ARAP2: variants seen among roughly 807,000 people sequenced by gnomAD.
The protein encoded by ARAP2 is ArfGAP with RhoGAP domain, ankyrin repeat and PH domain 2.
In ARAP2, 148 loss-of-function variants were observed where a neutral mutation model predicts 194.5. That is an observed-to-expected ratio of 0.76 (90% CI 0.67 to 0.87). The LOEUF (loss-of-function observed/expected upper bound fraction) is 0.87. ARAP2 is among the 40% of genes least tolerant of loss of function. ARAP2 has a pLI of 0.00. For missense variants in ARAP2, 2,128 were observed against 1,989.7 expected, an observed-to-expected ratio of 1.07 and a Z score of -1.32; for synonymous variants, 695 against 683.5, an observed-to-expected ratio of 1.02 and a Z score of -0.26.
intron 5 of ARAP2, among the ~76,000 whole-genome samples, chr4:36,040,350 T>C (rs1352530905): frequency 6.6e-6 from 1 of 152,162 alleles, no homozygotes; most frequent in African/African-American, 2.4e-5. Flanking sequence ...TGTTGGGAAA[T>C]TCTTAAGAAA....
chr4:36,118,290 TAA>T (rs71653572), intron 24 of ARAP2, among the ~76,000 whole-genome samples: 4 of 119,626 alleles, frequency 3.3e-5, no homozygotes, highest in Admixed American at 1.7e-4. Flanking sequence ...CTTAAAAAGT[TAA>T]AAAAAAAAAA....
At chr4:36,029,009 T>C (rs1249125051) in intron 5 of ARAP2, among the ~76,000 whole-genome samples, 1 of 152,010 alleles carries the variant, frequency 6.6e-6, no homozygotes, top group East Asian at 1.9e-4. Flanking sequence ...ACTGAATATA[T>C]AATCAATTTT....
chr4:36,053,504 CTGA>C (rs1723031267), intron 2 of ARAP2, among the ~76,000 whole-genome samples: 1 of 152,154 alleles, frequency 6.6e-6, no homozygotes, highest in African/African-American at 2.4e-5. Flanking sequence ...AAGATAACTA[CTGA>C]TGATGTTTTC....
intron 11 of ARAP2, among the ~76,000 whole-genome samples, chr4:36,164,114 T>C (rs1293505942): frequency 2.6e-5 from 4 of 152,184 alleles, no homozygotes; most frequent in Non-Finnish European, 5.9e-5. Flanking sequence ...TCATGTCTTA[T>C]ACATGTTTTT....
At chr4:36,174,231 C>T (rs994518802) in intron 9 of ARAP2, among the ~76,000 whole-genome samples, 70 of 152,066 alleles carry the variant, frequency 4.6e-4, no homozygotes, top group African/African-American at 1.6e-3. Flanking sequence ...TTAAACAATG[C>T]TGAAATAATA....
Position 36,079,219 on chromosome 4 carries a change from A to G in ARAP2, c.4608+997T>C, listed in dbSNP as rs545509621. On this transcript the variant is annotated intron_variant, in intron 31 of 32. Coordinates refer to ENST00000303965, the MANE Select transcript of ARAP2 (RefSeq NM_015230.4). ...AAAGTTGAATATCTGAATTTTAATA[A>G]GTTACAAAAAGAAGAAGAAAAGCCT... Among the ~76,000 whole-genome samples, 11 of 151,804 alleles carry G rather than the reference A, an allele frequency of 7.2e-5. No individual in the cohort carries two copies. In the East Asian group the frequency reaches 1.9e-3, roughly 27 times the overall value.
intron 28 of ARAP2, among the ~76,000 whole-genome samples, chr4:36,086,491 T>G (rs1423268006): frequency 2.0e-5 from 3 of 152,112 alleles, no homozygotes; most frequent in Non-Finnish European, 2.9e-5. Flanking sequence ...TGAAACTGAA[T>G]ATTCATAAAG....
chr4:36,048,034 G>A (rs920364670), intron 3 of ARAP2, among the ~76,000 whole-genome samples: 1 of 152,136 alleles, frequency 6.6e-6, no homozygotes, highest in African/African-American at 2.4e-5. Flanking sequence ...TCAGACATTG[G>A]ATTCTTATGG....
chr4:36,046,180 AT>A (rs1484309314), intron 4 of ARAP2: 1 of 152,802 alleles, frequency 6.5e-6, no homozygotes, highest in Non-Finnish European at 1.5e-5. Context: ...CCTGACCAGT[AT>A]TCTCTCTCTC....
At chr4:36,074,316 C>A (rs1727735836) in intron 31 of ARAP2, among the ~76,000 whole-genome samples, 1 of 152,030 alleles carries the variant, frequency 6.6e-6, no homozygotes, top group Non-Finnish European at 1.5e-5. Context: ...TAATTGAATT[C>A]CAAAGAAATA....
intron 32 of ARAP2, among the ~76,000 whole-genome samples, chr4:36,070,487 C>A (rs924696409): frequency 3.3e-5 from 5 of 152,176 alleles, no homozygotes; most frequent in African/African-American, 1.2e-4. Flanking sequence ...GTTGTTTGAA[C>A]GGAAATAATA....
intron 6 of ARAP2, among the ~76,000 whole-genome samples, chr4:36,194,473 T>C (rs980500180): frequency 6.6e-6 from 1 of 152,178 alleles, no homozygotes; most frequent in Admixed American, 6.5e-5. Flanking sequence ...ATTTAAAAAA[T>C]ATTATTTCTA....
intron 15 of ARAP2, among the ~76,000 whole-genome samples, chr4:36,156,409 A>AAG (rs1560549528): frequency 5.0e-4 from 2 of 4,036 alleles, no homozygotes; most frequent in African/African-American, 2.1e-3. Context: ...GAAAGAAAGA[A>AAG]AGAAAGAAAG....
chr4:36,050,983 C>T (rs1179038309), intron 3 of ARAP2, among the ~76,000 whole-genome samples: 1 of 152,168 alleles, frequency 6.6e-6, no homozygotes, highest in African/African-American at 2.4e-5. Flanking sequence ...TTAAATTCCT[C>T]CTGTAAAAAT....
At chr4:36,135,844 C>T (rs1213536202) in intron 19 of ARAP2, among the ~76,000 whole-genome samples, 5 of 151,822 alleles carry the variant, frequency 3.3e-5, no homozygotes, top group African/African-American at 4.8e-5. Flanking sequence ...TGCTTATAAA[C>T]AACTACAACG....
At position 36,229,205 on chromosome 4, in the gene ARAP2, A is replaced by G; in HGVS notation, c.282T>C (p.His94=). 1 of 1,614,168 alleles carries G rather than the reference A, an allele frequency of 6.2e-7. No individual in the cohort carries two copies. The highest frequency in any genetic ancestry group is 8.5e-7 in the Non-Finnish European group (1 of 1,180,000). ...KKNDDPSKDY[H]VPSSDQNICI... ...AGATATTCTGATCAGAAGATGGAAC[A>G]TGGTAATCCTTTGAAGGGTCATCAT... The change falls in exon 2 of 33, where the codon CAT becomes CAC. Residue 94 remains histidine, a synonymous_variant. Transcript: ENST00000303965.
chr4:36,055,941 A>G (rs772144777), intron 2 of ARAP2, among the ~76,000 whole-genome samples: 28 of 152,224 alleles, frequency 1.8e-4, no homozygotes, highest in Non-Finnish European at 2.5e-4. Flanking sequence ...TAATAATAAT[A>G]CATACATGAT....
chr4:36,121,837 C>A (rs140536016), intron 22 of ARAP2, among the ~76,000 whole-genome samples: 3 of 151,616 alleles, frequency 2.0e-5, no homozygotes, highest in Non-Finnish European at 4.4e-5. Context: ...GCCCATGTGT[C>A]CATACAGCTA....
intron 32 of ARAP2, among the ~76,000 whole-genome samples, chr4:36,070,806 C>A (rs1454757628): frequency 6.6e-6 from 1 of 152,170 alleles, no homozygotes; most frequent in Non-Finnish European, 1.5e-5. Flanking sequence ...ATTTAATCAT[C>A]ACAACACTTT....
Sources: gnomAD v4.1 joint callset for allele counts (sites outside exome capture counted in the v4.1 genomes callset) on GRCh38, gnomAD v4.1.1 for gene constraint, MANE v1.5 for transcripts, NCBI Gene and HGNC (gene_info 2026-07-23, HGNC 2026-07-21) for gene names.